The following GRIK1 variants were observed in gnomAD, a reference collection of about 807,000 sequenced individuals.
GRIK1 encodes the protein glutamate receptor ionotropic, kainate 1.
Under a neutral mutation model 105.7 loss-of-function variants are expected in GRIK1, and 69 were observed. The ratio of observed to expected loss-of-function variants is 0.65; its 90% CI spans 0.54 to 0.80. The LOEUF (loss-of-function observed/expected upper bound fraction) is 0.80, where lower values mean the gene tolerates loss of function less well. Ranked by LOEUF, GRIK1 falls within the 30% of genes least tolerant of loss-of-function variation. GRIK1 has a pLI of 0.00. For missense variants in GRIK1, 1,109 were observed against 1,167.3 expected, an observed-to-expected ratio of 0.95 and a Z score of 0.73; for synonymous variants, 438 against 431.3, an observed-to-expected ratio of 1.02 and a Z score of -0.19.
chr21:29,757,158 A>G (rs186128505), intron 1 of GRIK1, among the ~76,000 whole-genome samples: 5 of 152,276 alleles, frequency 3.3e-5, no homozygotes, highest in Admixed American at 6.5e-5. Context: ...TTAAAAAAAA[A>G]GAAATGCGAA....
intron 1 of GRIK1, among the ~76,000 whole-genome samples, chr21:29,885,264 T>C (rs929953406): frequency 4.6e-5 from 7 of 152,072 alleles, no homozygotes; most frequent in African/African-American, 1.7e-4. Context: ...TATGGTTAAA[T>C]AGTCTTCAAC....
At chr21:29,714,206 G>A (rs2064123771) in intron 1 of GRIK1, among the ~76,000 whole-genome samples, 1 of 151,474 alleles carries the variant, frequency 6.6e-6, no homozygotes, top group Admixed American at 6.6e-5. Context: ...TCAGACAAGT[G>A]GGGTACAGTT....
chr21:29,772,391 C>T lies in GRIK1; in HGVS notation c.119-78328G>A, dbSNP rs1190001798. On this transcript the variant is annotated intron_variant, in intron 1 of 17. Transcript: ENST00000327783. ...AACAGCATCAACACTCAGGGACAAC[C>T]GTTTCCTGCCCTCTTGAAGCTAATT... Among the ~76,000 whole-genome samples the T allele has an allele frequency of 3.9e-5, 6 of 152,288 alleles. No homozygotes were observed. In the East Asian group the frequency reaches 9.6e-4, roughly 24 times the overall value.
intron 7 of GRIK1, among the ~76,000 whole-genome samples, chr21:29,619,401 C>T (rs1220552211): frequency 1.3e-5 from 2 of 151,928 alleles, no homozygotes; most frequent in African/African-American, 4.8e-5. Flanking sequence ...TGTGCCACTG[C>T]ACTCCAGCCT....
chr21:29,818,694 C>T (rs1040660564), intron 1 of GRIK1, among the ~76,000 whole-genome samples: 2 of 152,066 alleles, frequency 1.3e-5, no homozygotes, highest in Admixed American at 6.6e-5. Flanking sequence ...CAAAGGTCAG[C>T]GTAATACCAC....
At chr21:29,810,285 A>G (rs182343113) in intron 1 of GRIK1, among the ~76,000 whole-genome samples, 1 of 113,922 alleles carries the variant, frequency 8.8e-6, no homozygotes, top group East Asian at 2.4e-4. Context: ...TGACAGAGTG[A>G]GACTCTGTCT....
chr21:29,689,927 G>A lies in GRIK1; in HGVS notation c.345C>T (p.Ser115=), dbSNP rs772362200. 10 of 1,613,306 alleles carry A rather than the reference G, an allele frequency of 6.2e-6. No individual in the cohort carries two copies. The highest frequency in any genetic ancestry group is 1.1e-5 in the South Asian group (1 of 91,060). ...AALFGPSHSS[S]VSAVQSICNA... ...TGCAAATAGACTGCACAGCACTGAC[G>A]GAGGAGCTATGGGAAGGGCCAAAGA... Residue 115 remains serine (S), a synonymous_variant, in exon 3 of 18, where the codon TCC becomes TCT. Coordinates refer to ENST00000327783, the MANE Select transcript of GRIK1 (RefSeq NM_001330994.2).
chr21:29,925,362 G>A (rs2071330393), intron 1 of GRIK1, among the ~76,000 whole-genome samples: 1 of 152,026 alleles, frequency 6.6e-6, no homozygotes, highest in South Asian at 2.1e-4. Context: ...TCAGGGAAAC[G>A]CACCTGCCTT....
intron 7 of GRIK1, among the ~76,000 whole-genome samples, chr21:29,610,102 G>A (rs1300343200): frequency 6.6e-6 from 1 of 152,134 alleles, no homozygotes; most frequent in Non-Finnish European, 1.5e-5. Context: ...AAACTTACAG[G>A]TAAAAAGGAA....
At chr21:29,560,882 G>C (rs557081553) in intron 15 of GRIK1, among the ~76,000 whole-genome samples, 8 of 152,108 alleles carry the variant, frequency 5.3e-5, no homozygotes, top group Admixed American at 1.3e-4. Context: ...TTACAGGCGT[G>C]AGCCATCGCG....
chr21:29,806,290 AG>A (rs1394027839), intron 1 of GRIK1, among the ~76,000 whole-genome samples: 2 of 152,110 alleles, frequency 1.3e-5, no homozygotes, highest in African/African-American at 4.8e-5. Flanking sequence ...TGATCCATCC[AG>A]GTCATTCAAA....
At chr21:29,619,515 T>C (rs1316470052) in intron 7 of GRIK1, among the ~76,000 whole-genome samples, 4 of 152,132 alleles carry the variant, frequency 2.6e-5, no homozygotes, top group Admixed American at 2.0e-4. Context: ...GGTAAAATAC[T>C]ACAAATTGGG....
intron 1 of GRIK1, among the ~76,000 whole-genome samples, chr21:29,814,321 G>A (rs2067095637): frequency 6.6e-6 from 1 of 151,808 alleles, no homozygotes; most frequent in African/African-American, 2.4e-5. Flanking sequence ...GGAGAGATAG[G>A]CAGATGCATT....
At chr21:29,786,848 A>C (rs2066273385) in intron 1 of GRIK1, among the ~76,000 whole-genome samples, 2 of 152,162 alleles carry the variant, frequency 1.3e-5, no homozygotes, top group South Asian at 4.1e-4. Flanking sequence ...AATTAAACCT[A>C]TCCCCAGTAA....
intron 15 of GRIK1, among the ~76,000 whole-genome samples, chr21:29,560,569 T>G (rs1392231679): frequency 1.5e-5 from 2 of 132,852 alleles, no homozygotes; most frequent in South Asian, 4.8e-4. Context: ...TCTTTCTTTC[T>G]TTCTTTCTCT....
At chr21:29,880,601 T>C (rs1009702888) in intron 1 of GRIK1, among the ~76,000 whole-genome samples, 4 of 152,194 alleles carry the variant, frequency 2.6e-5, no homozygotes, top group African/African-American at 9.7e-5. Flanking sequence ...CTGGTTGCTA[T>C]TGAACTTTCC....
chr21:29,815,092 G>T lies in GRIK1; in HGVS notation c.119-121029C>A, dbSNP rs145406258. 3.6e-3 allele frequency among the ~76,000 whole-genome samples: 548 copies of T among 152,148 alleles called. 4 individuals carry two copies. Among genetic ancestry groups the T allele is most frequent in the African/African-American group, 0.013 (531 of 41,508 alleles). On this transcript the variant is annotated intron_variant, in intron 1 of 17. Coordinates refer to ENST00000327783, the MANE Select transcript of GRIK1 (RefSeq NM_001330994.2). ...TGCATTTTGGCTGTCCACTCTTCTG[G>T]CTTATCTACTCTTAACTTAAGTACT...
chr21:29,620,370 G>A (rs921453439), intron 7 of GRIK1, among the ~76,000 whole-genome samples: 2 of 152,202 alleles, frequency 1.3e-5, no homozygotes, highest in South Asian at 2.1e-4. Context: ...CTGGGATGAG[G>A]GCATCTCATG....
intron 1 of GRIK1, among the ~76,000 whole-genome samples, chr21:29,740,132 C>T (rs986182110): frequency 9.9e-5 from 15 of 152,124 alleles, no homozygotes; most frequent in Admixed American, 6.6e-4. Context: ...CATAAACCAA[C>T]GATAGTATGA....
Sources: gnomAD v4.1 joint callset for allele counts (sites outside exome capture counted in the v4.1 genomes callset) on GRCh38, gnomAD v4.1.1 for gene constraint, MANE v1.5 for transcripts, NCBI Gene and HGNC (gene_info 2026-07-23, HGNC 2026-07-21) for gene names.